Variants in DLGAP1 observed in about 807,000 individuals in gnomAD.
DLGAP1 encodes DLG associated protein 1.
DLGAP1 carries 11 observed loss-of-function variants against 90.8 expected under a neutral mutation model. The ratio of observed to expected loss-of-function variants is 0.12; its 90% CI spans 0.08 to 0.20. The LOEUF (loss-of-function observed/expected upper bound fraction) is 0.20, where lower values mean the gene tolerates loss of function less well. DLGAP1 is among the 10% of genes least tolerant of loss of function. The pLI, the probability that DLGAP1 is intolerant of heterozygous loss-of-function variation, is 1.00. For synonymous variants in DLGAP1, 558 were observed against 540.7 expected, an observed-to-expected ratio of 1.03 and a Z score of -0.44; for missense variants, 1,050 against 1,333.8, an observed-to-expected ratio of 0.79 and a Z score of 3.31.
At position 3,582,043 on chromosome 18, in the gene DLGAP1, C is replaced by A. The variant is rs372667585; in HGVS notation, c.1797G>T (p.Leu599=). ...CGTTTGCAGCTTCGATGGCGGCTGT[C>A]AGAGCCTTCATACTGTCCAGGCTCT... The part of the protein sequence containing the change: ...STESLDSMKA[L]TAAIEAANAQ... Residue 599 remains leucine, a synonymous_variant, in exon 8 of 13, where the codon CTG becomes CTT. Coordinates refer to ENST00000315677, the MANE Select transcript of DLGAP1 (RefSeq NM_004746.4). The A allele has an allele frequency of 6.2e-7, 1 of 1,611,926 alleles. No homozygotes were observed. The highest frequency in any genetic ancestry group is 1.3e-5 in the African/African-American group (1 of 74,226).
chr18:3,940,458 C>G (rs771316921), intron 3 of DLGAP1, among the ~76,000 whole-genome samples: 3 of 152,194 alleles, frequency 2.0e-5, no homozygotes, highest in Non-Finnish European at 2.9e-5. Flanking sequence ...CTATTTAAGT[C>G]AGTGCTCTGT....
At chr18:4,026,075 G>A (rs1190942161) in intron 2 of DLGAP1, among the ~76,000 whole-genome samples, 1 of 152,180 alleles carries the variant, frequency 6.6e-6, no homozygotes, top group Non-Finnish European at 1.5e-5. Context: ...ATGTTGTCAG[G>A]TTCTTGCGGC....
intron 1 of DLGAP1, among the ~76,000 whole-genome samples, chr18:4,381,511 T>C (rs2082118837): frequency 6.6e-6 from 1 of 152,130 alleles, no homozygotes; most frequent in Non-Finnish European, 1.5e-5. Context: ...ATGCTGTCTG[T>C]TATTTCATAC....
intron 5 of DLGAP1, among the ~76,000 whole-genome samples, chr18:3,747,581 C>A (rs935145405): frequency 6.6e-6 from 1 of 152,116 alleles, no homozygotes; most frequent in Admixed American, 6.6e-5. Context: ...AGGGCAGTGA[C>A]GGGAGTGGCT....
rs1278171406 is a variant in DLGAP1 at position 3,561,267 on chromosome 18, A to C, written c.2057+6223T>G. Among the ~76,000 whole-genome samples, 24 of 66,300 alleles carry C rather than the reference A, an allele frequency of 3.6e-4. No homozygotes were observed. The African/African-American group carries it at 3.8e-3, about 10-fold the overall frequency. 43.5% of individuals were successfully genotyped at this position (66,300 alleles called of 152,430 possible). ...ACCGTCTCTACTAAAAAAAAAAAAC[A>C]AAAAAAAAAAAACAAACAAAAAATA... On this transcript the variant is annotated intron_variant, in intron 9 of 12. Coordinates refer to ENST00000315677, the MANE Select transcript of DLGAP1 (RefSeq NM_004746.4).
intron 1 of DLGAP1, among the ~76,000 whole-genome samples, chr18:4,320,190 TC>T (rs2080643872): frequency 1.3e-5 from 2 of 152,116 alleles, no homozygotes; most frequent in Non-Finnish European, 2.9e-5. Context: ...AACTGCTCAT[TC>T]TCTGTTTCTT....
chr18:3,759,118 T>C (rs756467155), intron 5 of DLGAP1, among the ~76,000 whole-genome samples: 22 of 152,150 alleles, frequency 1.4e-4, no homozygotes, highest in Non-Finnish European at 2.1e-4. Context: ...TGGGAGACAT[T>C]GCTATTGTGA....
intron 1 of DLGAP1, among the ~76,000 whole-genome samples, chr18:4,181,069 TTGAC>T (rs1346064719): frequency 6.6e-6 from 1 of 152,330 alleles, no homozygotes; most frequent in East Asian, 1.9e-4. Context: ...TCACATTTTC[TTGAC>T]TATTTGACCT....
intron 1 of DLGAP1, among the ~76,000 whole-genome samples, chr18:4,260,262 AG>A (rs778822823): frequency 1.3e-5 from 2 of 152,176 alleles, no homozygotes; most frequent in Non-Finnish European, 2.9e-5. Context: ...GACTCTGCTG[AG>A]GGAACACAAA....
At chr18:3,618,810 G>A (rs1253835287) in intron 7 of DLGAP1, among the ~76,000 whole-genome samples, 1 of 149,802 alleles carries the variant, frequency 6.7e-6, no homozygotes, top group Non-Finnish European at 1.5e-5. Flanking sequence ...GAAGTGGCGG[G>A]TGCCTGTAGT....
chr18:3,623,055 T>A (rs1457561279), intron 7 of DLGAP1, among the ~76,000 whole-genome samples: 2 of 152,106 alleles, frequency 1.3e-5, no homozygotes, highest in East Asian at 3.9e-4. Flanking sequence ...TCCGCCTGCC[T>A]CTGCCTCCCA....
chr18:4,390,276 T>C (rs1468595246), intron 1 of DLGAP1, among the ~76,000 whole-genome samples: 2 of 152,114 alleles, frequency 1.3e-5, no homozygotes, highest in Non-Finnish European at 2.9e-5. Context: ...AGAGGTCCCA[T>C]GCACCCCTGT....
At chr18:3,538,375 CAA>C (rs112805068) in intron 9 of DLGAP1, among the ~76,000 whole-genome samples, 10 of 102,724 alleles carry the variant, frequency 9.7e-5, no homozygotes, top group Admixed American at 1.1e-4. Context: ...TCAAATGAGC[CAA>C]AAAAAAAAAA....
chr18:4,210,104 T>A (rs2077811339), intron 1 of DLGAP1, among the ~76,000 whole-genome samples: 1 of 152,196 alleles, frequency 6.6e-6, no homozygotes, highest in African/African-American at 2.4e-5. Context: ...GAATTACACC[T>A]TCCATTTGTT....
At chr18:4,405,273 G>A (rs1279003234) in intron 1 of DLGAP1, among the ~76,000 whole-genome samples, 1 of 152,126 alleles carries the variant, frequency 6.6e-6, no homozygotes, top group Admixed American at 6.5e-5. Context: ...AGGGCAACGT[G>A]GTGGTCCATT....
At chr18:4,188,359 T>G (rs2144713186) in intron 1 of DLGAP1, among the ~76,000 whole-genome samples, 1 of 152,260 alleles carries the variant, frequency 6.6e-6, no homozygotes, top group African/African-American at 2.4e-5. Flanking sequence ...ATGTGCAGGT[T>G]TGTTATATAG....
chr18:4,198,115 T>G (rs2077536243), intron 1 of DLGAP1, among the ~76,000 whole-genome samples: 1 of 151,952 alleles, frequency 6.6e-6, no homozygotes, highest in South Asian at 2.1e-4. Flanking sequence ...TCCCAGCTAC[T>G]CTGGAGGCTG....
At chr18:4,202,076 T>C (rs367614714) in intron 1 of DLGAP1, among the ~76,000 whole-genome samples, 1 of 152,012 alleles carries the variant, frequency 6.6e-6, no homozygotes, top group Non-Finnish European at 1.5e-5. Context: ...TCAACCGAAG[T>C]GCCCATTAAG....
At chr18:4,152,689 T>A (rs1374384986) in intron 1 of DLGAP1, among the ~76,000 whole-genome samples, 4 of 152,154 alleles carry the variant, frequency 2.6e-5, no homozygotes, top group African/African-American at 9.7e-5. Context: ...TCAGGCATGA[T>A]AATAATACAC....
Sources: allele counts gnomAD v4.1 joint callset (sites outside exome capture counted in the v4.1 genomes callset), GRCh38; gene constraint gnomAD v4.1.1; transcripts MANE v1.5; gene names NCBI Gene and HGNC (gene_info 2026-07-23, HGNC 2026-07-21).